Variants in PLB1 observed in about 807,000 individuals in gnomAD.
PLB1 encodes phospholipase B1.
A neutral mutation model predicts 227.4 loss-of-function variants in PLB1; 242 were observed. The ratio of observed to expected loss-of-function variants is 1.06; its 90% CI spans 0.96 to 1.18. PLB1 has a LOEUF of 1.18. Among genes scored for constraint, PLB1 ranks in the 50% most tolerant of loss-of-function variants. The pLI, the probability that PLB1 is intolerant of heterozygous loss-of-function variation, is 0.00. For missense variants in PLB1, 1,858 were observed against 1,816.3 expected (o/e 1.02, Z -0.42); for synonymous variants, 757 against 682.2 (o/e 1.11, Z -1.71).
intron 1 of PLB1, among the ~76,000 whole-genome samples, chr2:28,497,493 C>G (rs989944208): frequency 6.6e-6 from 1 of 152,142 alleles, no homozygotes; most frequent in African/African-American, 2.4e-5. Context: ...ACTAGAGGCA[C>G]GGCATCTGAA....
intron 2 of PLB1, among the ~76,000 whole-genome samples, chr2:28,518,027 C>T (rs1449419909): frequency 6.6e-6 from 1 of 152,022 alleles, no homozygotes; most frequent in Non-Finnish European, 1.5e-5. Flanking sequence ...GCACACGCCA[C>T]CACTAATTTC....
At position 28,630,680 on chromosome 2, in the gene PLB1, C is replaced by T. The variant is rs1688492546; in HGVS notation, c.3897+16C>T. 6.2e-7 allele frequency: 1 copy of T among 1,601,628 alleles called. No homozygotes were observed. Among genetic ancestry groups the T allele is most frequent in the South Asian group, 1.1e-5 (1 of 88,752 alleles). On this transcript the variant is annotated intron_variant, in intron 54 of 57. Transcript: ENST00000327757. ...GAACCTCCAGGTAAGCCCTGCAGCC[C>T]TTCTCTTACTGACCCAGCTGGGGGG...
intron 20 of PLB1, among the ~76,000 whole-genome samples, chr2:28,567,508 T>A (rs1677199338): frequency 7.2e-6 from 1 of 138,988 alleles, no homozygotes; most frequent in Non-Finnish European, 1.5e-5. Context: ...AGTCTCACTC[T>A]GTTGCCAGGC....
chr2:28,612,038 C>T (rs1478444060), intron 43 of PLB1, among the ~76,000 whole-genome samples: 1 of 151,990 alleles, frequency 6.6e-6, no homozygotes, highest in Non-Finnish European at 1.5e-5. Flanking sequence ...CCCAGCTACT[C>T]GGGAGGCTGA....
chr2:28,567,213 AAAG>A (rs1677108153), intron 20 of PLB1, among the ~76,000 whole-genome samples: 1 of 152,094 alleles, frequency 6.6e-6, no homozygotes, highest in Non-Finnish European at 1.5e-5. Context: ...ATTCAAGAAA[AAAG>A]AAAAAGAAAC....
At chr2:28,628,495 C>T in intron 51 of PLB1, 68 bp from the exon 52 acceptor site, 1 of 1,435,158 alleles carries the variant, frequency 7.0e-7, no homozygotes, top group Non-Finnish European at 9.8e-7. Flanking sequence ...CCAGAGCCCT[C>T]CTATGCTCTT....
chr2:28,577,965 T>C, intron 21 of PLB1, 142 bp from the exon 22 acceptor site: 1 of 790,102 alleles, frequency 1.3e-6, no homozygotes, highest in African/African-American at 1.7e-5. Context: ...GAAGAAGCTC[T>C]GCGACACGGC....
intron 55 of PLB1, 51 bp downstream of exon 55, chr2:28,632,191 A>C: frequency 7.1e-7 from 1 of 1,412,546 alleles, no homozygotes; most frequent in Non-Finnish European, 1.0e-6. Flanking sequence ...CTTATCACAG[A>C]CGATGGATGT....
intron 17 of PLB1, among the ~76,000 whole-genome samples, chr2:28,559,958 G>A (rs1675791390): frequency 6.6e-6 from 1 of 151,906 alleles, no homozygotes. Flanking sequence ...CATCATTTTG[G>A]ACAGGCTGGT....
At chr2:28,631,171 A>C (rs1029028864) in intron 54 of PLB1, among the ~76,000 whole-genome samples, 1 of 151,770 alleles carries the variant, frequency 6.6e-6, no homozygotes, top group Non-Finnish European at 1.5e-5. Flanking sequence ...AAAAAAGAAA[A>C]AAAGAAAAAG....
chr2:28,615,121 A>G (rs1188711101), intron 44 of PLB1, among the ~76,000 whole-genome samples: 1 of 152,122 alleles, frequency 6.6e-6, no homozygotes, highest in Non-Finnish European at 1.5e-5. Flanking sequence ...CTATACAGGG[A>G]GCCAGGAACA....
At chr2:28,563,933 A>G (rs1293786640) in intron 18 of PLB1, among the ~76,000 whole-genome samples, 1 of 152,136 alleles carries the variant, frequency 6.6e-6, no homozygotes, top group African/African-American at 2.4e-5. Context: ...GTGAGGCATG[A>G]CTTTCTTTAG....
intron 33 of PLB1, 188 bp downstream of exon 33, chr2:28,593,942 A>T (rs1456156709): frequency 5.7e-6 from 4 of 702,184 alleles, no homozygotes; most frequent in South Asian, 1.5e-5. Flanking sequence ...TTTACTGTTG[A>T]TAATCTTTTT....
At chr2:28,561,210 C>A (rs1318550016) in intron 17 of PLB1, among the ~76,000 whole-genome samples, 1 of 152,196 alleles carries the variant, frequency 6.6e-6, no homozygotes, top group Non-Finnish European at 1.5e-5. Flanking sequence ...TGAGGGCATT[C>A]TCTGTTTCTG....
chr2:28,564,977 T>C (rs1477333106), intron 18 of PLB1, among the ~76,000 whole-genome samples: 2 of 152,262 alleles, frequency 1.3e-5, no homozygotes, highest in East Asian at 3.8e-4. Flanking sequence ...TGTATCCTTT[T>C]GAAAAGGTAC....
intron 44 of PLB1, among the ~76,000 whole-genome samples, chr2:28,615,134 G>A (rs1686009114): frequency 1.3e-5 from 2 of 152,110 alleles, no homozygotes; most frequent in Admixed American, 1.3e-4. Flanking sequence ...CAGGAACACA[G>A]TCCCAGGCAG....
chr2:28,546,268 G>A (rs1673249431), intron 14 of PLB1, among the ~76,000 whole-genome samples: 1 of 152,136 alleles, frequency 6.6e-6, no homozygotes, highest in Admixed American at 6.5e-5. Flanking sequence ...CGTTTTGAAG[G>A]GGACCCACCT....
rs767953015 is a variant in PLB1, at chr2:28,591,174, A to G, written c.2127+3A>G. 2.5e-6 allele frequency: 4 copies of G among 1,614,180 alleles called. No homozygotes were observed. In the African/African-American group the frequency reaches 5.3e-5, roughly 22 times the overall value. ...GGACCTACAAGAACAGCATGCAGGT[A>G]CCTGCCTCTTGCCTCCTCTTGACTC... is the stretch of plus-strand genomic sequence containing the variant. On this transcript the variant is annotated splice_donor_region_variant and intron_variant, in intron 30 of 57. Transcript: ENST00000327757.
rs148482333 is a variant in PLB1 at position 28,600,925 on chromosome 2, G to A, written c.2526+65G>A. On this transcript the variant is annotated intron_variant, in intron 36 of 57. Coordinates refer to ENST00000327757, the MANE Select transcript of PLB1 (RefSeq NM_153021.5). ...TAACCCACTAAAGTTGTCTCCAAACGGAGTGGCCTGCTCTGAAAAGCAGTG... is the reference window on the plus strand; with the variant it reads ...TAACCCACTAAAGTTGTCTCCAAACAGAGTGGCCTGCTCTGAAAAGCAGTG... 1.6e-4 allele frequency: 233 copies of A among 1,414,748 alleles called. No homozygotes were observed. The East Asian group carries it at 3.8e-3, about 23-fold the overall frequency. The allele number at this position is 1,414,748 out of a possible 1,614,324, so 87.6% of individuals were successfully genotyped here.
Sources: gnomAD v4.1 joint callset for allele counts (sites outside exome capture counted in the v4.1 genomes callset) on GRCh38, gnomAD v4.1.1 for gene constraint, MANE v1.5 for transcripts, NCBI Gene and HGNC (gene_info 2026-07-23, HGNC 2026-07-21) for gene names.